ASTN2: variants seen among roughly 807,000 people sequenced by gnomAD.
The protein encoded by ASTN2 is astrotactin-2.
ASTN2 carries 54 observed loss-of-function variants against 139.8 expected under a neutral mutation model. The ratio of observed to expected loss-of-function variants is 0.39; its 90% confidence interval spans 0.31 to 0.48. ASTN2 has a LOEUF of 0.48. Among genes scored for constraint, ASTN2 ranks in the 20% least tolerant of loss-of-function variants. The probability of loss-of-function intolerance (pLI) is 0.95; values close to 1 mark genes in which losing one functional copy is unlikely to be tolerated. For synonymous variants in ASTN2, 756 were observed against 719.5 expected (o/e 1.05, Z -0.81); for missense variants, 1,565 against 1,725.1 (o/e 0.91, Z 1.64).
chr9:117,074,606 G>A (rs1454582303), intron 5 of ASTN2, among the ~76,000 whole-genome samples: 14 of 152,148 alleles, frequency 9.2e-5, no homozygotes, highest in South Asian at 2.1e-4. Flanking sequence ...GGCAGGATGC[G>A]CTGTCAGAAC....
At position 116,621,646 on chromosome 9, in the gene ASTN2, C is replaced by T. The variant is rs138581607; in HGVS notation, c.3073-1203G>A. On this transcript the variant is annotated intron_variant, in intron 17 of 22. Transcript: ENST00000313400. ...TACCAACACATTTCCTTGCCTATCT[C>T]ACCCATAAACACTGGTCCCACCAAG... Among the ~76,000 whole-genome samples, 151 of 152,318 alleles carry T rather than the reference C, an allele frequency of 9.9e-4. No homozygotes were observed. The East Asian group carries it at 0.021, about 22-fold the overall frequency.
intron 20 of ASTN2, 97 bp from the exon 21 acceptor site, chr9:116,442,650 C>T: frequency 1.1e-6 from 1 of 941,480 alleles, no homozygotes; most frequent in Non-Finnish European, 1.7e-6. Context: ...CATGAGGCTA[C>T]AGGAAAAATG....
chr9:116,827,603 CTA>C (rs1831675000), intron 11 of ASTN2, among the ~76,000 whole-genome samples: 1 of 152,070 alleles, frequency 6.6e-6, no homozygotes, highest in African/African-American at 2.4e-5. Flanking sequence ...ATTATGAAGA[CTA>C]TTATGTTCAC....
chr9:116,973,985 G>C (rs1231848853), intron 10 of ASTN2, among the ~76,000 whole-genome samples: 1 of 152,182 alleles, frequency 6.6e-6, no homozygotes, highest in Non-Finnish European at 1.5e-5. Flanking sequence ...TTTCTGTCAA[G>C]ATGCCATAGA....
intron 17 of ASTN2, among the ~76,000 whole-genome samples, chr9:116,635,209 C>T (rs543096292): frequency 6.6e-6 from 1 of 152,176 alleles, no homozygotes; most frequent in Non-Finnish European, 1.5e-5. Context: ...ATATAACATT[C>T]AGAGCCACCC....
chr9:116,668,001 T>C (rs1452284695), intron 16 of ASTN2, among the ~76,000 whole-genome samples: 2 of 152,154 alleles, frequency 1.3e-5, no homozygotes, highest in East Asian at 3.9e-4. Flanking sequence ...TATAATGACA[T>C]GTATCTACCA....
Position 116,718,966 on chromosome 9 carries a change from G to GTATATATATATATATATATATATA in ASTN2, c.2806+6804_2806+6805insTATATATATATATATATATATATA, listed in dbSNP as rs1219672903. 2.3e-3 allele frequency among the ~76,000 whole-genome samples: 73 copies of GTATATATATATATATATATATATA among 31,756 alleles called. 2 individuals are homozygous for GTATATATATATATATATATATATA. The highest frequency in any genetic ancestry group is 9.0e-3 in the African/African-American group (72 of 7,986). 20.8% of individuals were successfully genotyped at this position (31,756 alleles called of 152,430 possible). A position where few individuals can be genotyped will look rare whatever the true frequency, so the allele number is the denominator to read the frequency against. On this transcript the variant is annotated intron_variant, in intron 16 of 22. Transcript: ENST00000313400. ...TATCTATATTTACATATCTATACCT[G>GTATATATATATATATATATATATA]TATCTGTACATATATATATATATAT...
At chr9:117,263,266 C>G (rs767322726) in intron 2 of ASTN2, among the ~76,000 whole-genome samples, 4 of 151,906 alleles carry the variant, frequency 2.6e-5, no homozygotes, top group Non-Finnish European at 5.9e-5. Context: ...AAAAATGAAA[C>G]CTACCCAGAG....
intron 19 of ASTN2, among the ~76,000 whole-genome samples, chr9:116,532,513 C>T (rs1452153558): frequency 6.6e-6 from 1 of 152,084 alleles, no homozygotes; most frequent in Non-Finnish European, 1.5e-5. Context: ...TTTAAGTCTT[C>T]AATCCACCTT....
At chr9:117,124,823 A>AG (rs1317933087) in intron 4 of ASTN2, among the ~76,000 whole-genome samples, 1 of 151,484 alleles carries the variant, frequency 6.6e-6, no homozygotes, top group Admixed American at 6.6e-5. Flanking sequence ...AAAAAAAAAA[A>AG]AAAGCTGCAT....
intron 3 of ASTN2, among the ~76,000 whole-genome samples, chr9:117,179,872 T>G (rs920362647): frequency 1.3e-4 from 20 of 152,154 alleles, no homozygotes; most frequent in Non-Finnish European, 1.5e-4. Flanking sequence ...TTTTGCCATT[T>G]CCTTACCTCA....
In ASTN2 at chr9:116,424,364, TAA is replaced by T. The variant is rs373761413; in HGVS notation, c.*1485_*1486del. On this transcript the variant is annotated 3_prime_UTR_variant, in exon 23 of 23. Transcript: ENST00000313400. ...CACCCTGTAGTGAGAATGATTTTCT[TAA>T]AGAGTAAGTTGACTATTTAGTCATA... is the stretch of plus-strand genomic sequence containing the variant. 5.4e-3 allele frequency among the ~76,000 whole-genome samples: 820 copies of T among 152,276 alleles called. No individual in the cohort carries two copies. Among genetic ancestry groups the T allele is most frequent in the Non-Finnish European group, 8.7e-3 (589 of 68,022 alleles).
At chr9:117,005,080 ATTTTT>A (rs35759848) in intron 7 of ASTN2, among the ~76,000 whole-genome samples, 6 of 74,674 alleles carry the variant, frequency 8.0e-5, no homozygotes, top group East Asian at 4.8e-4. Context: ...CCTGTAGTCG[ATTTTT>A]TTTTTTTTTT....
intron 2 of ASTN2, among the ~76,000 whole-genome samples, chr9:117,275,455 T>A (rs1216972827): frequency 6.6e-6 from 1 of 152,128 alleles, no homozygotes; most frequent in Non-Finnish European, 1.5e-5. Context: ...CAGGATTGGT[T>A]TCTGGTAAGG....
At chr9:116,652,032 A>G (rs1857945546) in intron 16 of ASTN2, among the ~76,000 whole-genome samples, 1 of 152,020 alleles carries the variant, frequency 6.6e-6, no homozygotes, top group Admixed American at 6.6e-5. Flanking sequence ...TCTGGCCCTC[A>G]TTTTTCCCGT....
At chr9:116,848,401 T>C (rs1228740165) in intron 11 of ASTN2, among the ~76,000 whole-genome samples, 1 of 152,108 alleles carries the variant, frequency 6.6e-6, no homozygotes, top group Non-Finnish European at 1.5e-5. Flanking sequence ...TGAAACCAGG[T>C]CTCCTCCTAA....
chr9:116,984,563 C>T (rs1836622548), intron 7 of ASTN2, among the ~76,000 whole-genome samples: 2 of 152,136 alleles, frequency 1.3e-5, no homozygotes, highest in African/African-American at 4.8e-5. Context: ...CCAGGGGTCC[C>T]ACTCAGAGAT....
chr9:117,273,524 C>A (rs1587899496), intron 2 of ASTN2, among the ~76,000 whole-genome samples: 1 of 152,172 alleles, frequency 6.6e-6, no homozygotes, highest in East Asian at 1.9e-4. Context: ...ATTCTTGGGA[C>A]ATAAAAAAGA....
chr9:117,256,806 A>G (rs1220620884), intron 2 of ASTN2, among the ~76,000 whole-genome samples: 1 of 152,222 alleles, frequency 6.6e-6, no homozygotes, highest in Admixed American at 6.5e-5. Context: ...ATTCAACAGC[A>G]TATTTGATTC....
Sources: gnomAD v4.1 joint callset for allele counts (sites outside exome capture counted in the v4.1 genomes callset) on GRCh38, gnomAD v4.1.1 for gene constraint, MANE v1.5 for transcripts, NCBI Gene and HGNC (gene_info 2026-07-23, HGNC 2026-07-21) for gene names.